SECISBP2L: variants seen among roughly 807,000 people sequenced by gnomAD.
SECISBP2L encodes SECIS binding protein 2 like.
A neutral mutation model predicts 114.7 loss-of-function variants in SECISBP2L; 43 were observed. That is an observed-to-expected ratio of 0.38 (90% CI 0.29 to 0.48). SECISBP2L has a LOEUF of 0.48. Ranked by LOEUF, SECISBP2L falls within the 20% of genes least tolerant of loss-of-function variation. The pLI is 0.98. For missense variants in SECISBP2L, 1,136 were observed against 1,301.1 expected (o/e 0.87, Z 1.95); for synonymous variants, 451 against 439.7 (o/e 1.03, Z -0.32).
In SECISBP2L at chr15:48,988,724, G is replaced by A. The variant is rs1901909956; in HGVS notation, c.*3520C>T. Reference sequence around the variant, plus strand: ...AAAAAGCTGTTATTACCCCCCAAATGTGATATAACAATTATCCTTCATACA... The same window carrying A: ...AAAAAGCTGTTATTACCCCCCAAATATGATATAACAATTATCCTTCATACA... On this transcript the variant is annotated 3_prime_UTR_variant, in exon 18 of 18. Coordinates refer to ENST00000559471, the MANE Select transcript of SECISBP2L (RefSeq NM_001193489.2). 1.0e-5 allele frequency: 4 copies of A among 398,900 alleles called. No individual in the cohort carries two copies. The highest frequency in any genetic ancestry group is 2.1e-5 in the African/African-American group (1 of 48,252). 24.7% of individuals were successfully genotyped at this position (398,900 alleles called of 1,614,324 possible).
intron 7 of SECISBP2L, among the ~76,000 whole-genome samples, chr15:49,021,802 T>C (rs926783154): frequency 1.3e-5 from 2 of 152,184 alleles, no homozygotes; most frequent in Non-Finnish European, 2.9e-5. Flanking sequence ...AAAGTTCATG[T>C]GAGCCAAATG....
chr15:49,000,964 C>T lies in SECISBP2L; in HGVS notation c.2161G>A (p.Gly721Ser). The change falls in exon 15 of 18, where the codon GGT becomes AGT. Residue 721 changes from glycine (G) to serine (S), a missense_variant. Around this residue, in one of 2 missense-constraint regions of SECISBP2L, gnomAD observed 684 missense variants for 848.7 expected, o/e 0.81. Coordinates refer to ENST00000559471, the MANE Select transcript of SECISBP2L (RefSeq NM_001193489.2). Reference sequence around the variant, plus strand: ...ATATGTTTGGTAACTTCTCTTAGACCCATAACGAGTCGTCTCCTTGCTTTT... The same window carrying T: ...ATATGTTTGGTAACTTCTCTTAGACTCATAACGAGTCGTCTCCTTGCTTTT... ...RAKARRRLVM[G>S]LREVTKHMKL... 1 of 1,613,782 alleles carries T rather than the reference C, an allele frequency of 6.2e-7. No homozygotes were observed. Among genetic ancestry groups the T allele is most frequent in the Non-Finnish European group, 8.5e-7 (1 of 1,179,866 alleles).
At chr15:49,012,858 AT>A (rs1667946232) in intron 11 of SECISBP2L, 41 bp from the exon 12 acceptor site, 1 of 1,567,362 alleles carries the variant, frequency 6.4e-7, no homozygotes, top group African/African-American at 1.4e-5. Context: ...ATTAGGGCCA[AT>A]CCCACATACT....
chr15:49,007,710 G>A (rs1902352739), intron 14 of SECISBP2L, among the ~76,000 whole-genome samples: 1 of 152,174 alleles, frequency 6.6e-6, no homozygotes, highest in African/African-American at 2.4e-5. Context: ...CTTCTAGTAG[G>A]AAATATATAC....
intron 13 of SECISBP2L, 125 bp downstream of exon 13, chr15:49,011,606 A>C (rs1902437261): frequency 8.8e-7 from 1 of 1,135,512 alleles, no homozygotes; most frequent in South Asian, 1.7e-5. Context: ...TCTGAAGAAT[A>C]AAGAGATTTA....
chr15:49,037,843 G>T (rs1903045102), intron 1 of SECISBP2L, 74 bp from the exon 2 acceptor site: 26 of 1,295,038 alleles, frequency 2.0e-5, no homozygotes, highest in Non-Finnish European at 2.6e-5. Context: ...TTTAACAACA[G>T]AAGAGTCAGT....
At chr15:49,031,030 T>A (rs1255909586) in intron 4 of SECISBP2L, among the ~76,000 whole-genome samples, 1 of 145,708 alleles carries the variant, frequency 6.9e-6, no homozygotes. Context: ...TAAAGACTTA[T>A]CATTTTCTTT....
At chr15:49,040,980 GA>G in intron 1 of SECISBP2L, among the ~76,000 whole-genome samples, 1 of 151,732 alleles carries the variant, frequency 6.6e-6, no homozygotes, top group East Asian at 1.9e-4. Context: ...CAAAATGTAT[GA>G]AAAAACTAGA....
At chr15:49,033,856 A>C (rs1422284015) in intron 3 of SECISBP2L, among the ~76,000 whole-genome samples, 2 of 152,158 alleles carry the variant, frequency 1.3e-5, no homozygotes, top group Non-Finnish European at 2.9e-5. Flanking sequence ...AATCAATATT[A>C]ATAAACTGAT....
In SECISBP2L at chr15:49,004,313, A is replaced by G. The variant is rs573995747; in HGVS notation, c.2028-3216T>C. Among the ~76,000 whole-genome samples the G allele has an allele frequency of 4.6e-5, 7 of 151,886 alleles. No homozygotes were observed. In the East Asian group the frequency reaches 9.7e-4, roughly 21 times the overall value. ...CCCTTTATCATTTTTTATTGTGTCT[A>G]TTTGATTCTTCTCTCTTTTCTATTA... On this transcript the variant is annotated intron_variant, in intron 14 of 17. Coordinates refer to ENST00000559471, the MANE Select transcript of SECISBP2L (RefSeq NM_001193489.2).
chr15:49,039,910 G>C lies in SECISBP2L; in HGVS notation c.25-2141C>G, dbSNP rs1242431332. ...AAATCTGAGCTAGTAGACATTCGGG[G>C]TTTTTTTCAGCAAGGTATATGGGTA... On this transcript the variant is annotated intron_variant, in intron 1 of 17. Transcript: ENST00000559471. 3.9e-5 allele frequency among the ~76,000 whole-genome samples: 6 copies of C among 151,918 alleles called. No homozygotes were observed. The South Asian group carries it at 1.0e-3, about 26-fold the overall frequency.
chr15:49,002,238 C>A (rs997281592), intron 14 of SECISBP2L, among the ~76,000 whole-genome samples: 2 of 152,222 alleles, frequency 1.3e-5, no homozygotes, highest in Admixed American at 6.5e-5. Context: ...CGTTTCTTGA[C>A]CGCATAAACG....
At chr15:49,007,320 G>A (rs543534881) in intron 14 of SECISBP2L, among the ~76,000 whole-genome samples, 1 of 152,336 alleles carries the variant, frequency 6.6e-6, no homozygotes, top group South Asian at 2.1e-4. Context: ...GAGCTTGAAC[G>A]CTGTGCTGGG....
Position 49,001,025 on chromosome 15 carries a change from G to GA in SECISBP2L, c.2099dup (p.Gln701ProfsTer44). The GA allele has an allele frequency of 6.2e-7, 1 of 1,613,592 alleles. No individual in the cohort carries two copies. The highest frequency in any genetic ancestry group is 8.5e-7 in the Non-Finnish European group (1 of 1,179,822). Reference sequence around the variant, plus strand: ...GATCTTTTTGGTAGATGCGTTCCTGGAAACTGACAAGCTCTTGGAGAAGAA... The same window carrying GA: ...GATCTTTTTGGTAGATGCGTTCCTGGAAAACTGACAAGCTCTTGGAGAAGAA... On this transcript the variant is annotated frameshift_variant, in exon 15 of 18. Transcript: ENST00000559471. LOFTEE classifies it high-confidence loss of function.
At chr15:48,994,320 G>A (rs985372279) in intron 17 of SECISBP2L, among the ~76,000 whole-genome samples, 8 of 152,086 alleles carry the variant, frequency 5.3e-5, no homozygotes, top group African/African-American at 1.7e-4. Context: ...TACTCCCTTA[G>A]CTCAGGCCTT....
chr15:49,031,054 T>TCC (rs1902875740), intron 4 of SECISBP2L, among the ~76,000 whole-genome samples: 1 of 128,512 alleles, frequency 7.8e-6, no homozygotes, highest in Non-Finnish European at 1.6e-5. Context: ...TTTTTTTTTT[T>TCC]TTTTTTCCCT....
intron 7 of SECISBP2L, 46 bp downstream of exon 7, chr15:49,027,319 A>C: frequency 2.4e-5 from 27 of 1,141,202 alleles, no homozygotes; most frequent in Non-Finnish European, 3.4e-5. Flanking sequence ...ATCTAAAATG[A>C]CTCATCTCAT....
intron 8 of SECISBP2L, among the ~76,000 whole-genome samples, chr15:49,019,191 C>T (rs1303379345): frequency 2.6e-5 from 4 of 152,016 alleles, no homozygotes; most frequent in Non-Finnish European, 4.4e-5. Flanking sequence ...AAATGATGAA[C>T]ACACAGGACA....
At chr15:49,002,022 G>A (rs1902221036) in intron 14 of SECISBP2L, 1 of 112,958 alleles carries the variant, frequency 8.9e-6, no homozygotes, top group African/African-American at 2.6e-5. Flanking sequence ...CTAGATCCTT[G>A]AGGAATCGAC....
Sources: gnomAD v4.1 joint callset for allele counts (sites outside exome capture counted in the v4.1 genomes callset) on GRCh38, gnomAD v4.1.1 for gene constraint, gnomAD v4.1.1 regional missense constraint, MANE v1.5 for transcripts, NCBI Gene and HGNC (gene_info 2026-07-23, HGNC 2026-07-21) for gene names.